Variants in MALRD1 observed in about 807,000 individuals in gnomAD.
The protein encoded by MALRD1 is MAM and LDL receptor class A domain containing 1.
A neutral mutation model predicts 242.1 loss-of-function variants in MALRD1; 247 were observed. That is an observed-to-expected ratio of 1.02 (90% confidence interval 0.92 to 1.13). The LOEUF (loss-of-function observed/expected upper bound fraction) is 1.13, where lower values mean the gene tolerates loss of function less well. MALRD1 is among the 50% of genes most tolerant of loss of function. MALRD1 has a pLI of 0.00. For missense variants in MALRD1, 2,989 were observed against 2,533.1 expected, an observed-to-expected ratio of 1.18 and a Z score of -3.86; for synonymous variants, 995 against 866.6, an observed-to-expected ratio of 1.15 and a Z score of -2.60.
At chr10:19,725,093 A>G (rs1433729959) in intron 38 of MALRD1, 1 of 152,216 alleles carries the variant, frequency 6.6e-6, no homozygotes, top group Non-Finnish European at 1.5e-5. Context: ...ACTAAATGGA[A>G]TGACACACTA....
intron 14 of MALRD1, among the ~76,000 whole-genome samples, chr10:19,182,504 A>AT (rs1185771763): frequency 3.4e-5 from 5 of 147,872 alleles, no homozygotes; most frequent in African/African-American, 1.0e-4. Flanking sequence ...TTTTTTTTGT[A>AT]TTTTTTTAGT....
chr10:19,638,101 C>CAAAAAAAAAAAAAAAAAAAAAAA (rs56865342), intron 36 of MALRD1, among the ~76,000 whole-genome samples: 3 of 41,926 alleles, frequency 7.2e-5, no homozygotes, highest in African/African-American at 1.9e-4. Context: ...AACTCACTCT[C>CAAAAAAAAAAAAAAAAAAAAAAA]AAAAAAAAAA....
intron 36 of MALRD1, among the ~76,000 whole-genome samples, chr10:19,645,561 A>G (rs981592951): frequency 6.6e-6 from 1 of 152,226 alleles, no homozygotes; most frequent in Non-Finnish European, 1.5e-5. Context: ...AAAAATGATG[A>G]GTTCATGTCC....
At chr10:19,651,719 A>G (rs142644248) in intron 36 of MALRD1, among the ~76,000 whole-genome samples, 2 of 152,294 alleles carry the variant, frequency 1.3e-5, no homozygotes, top group African/African-American at 4.8e-5. Context: ...ATATTGCACA[A>G]CATCTCACTG....
chr10:19,436,913 C>G (rs1340707697), intron 28 of MALRD1, among the ~76,000 whole-genome samples: 2 of 152,134 alleles, frequency 1.3e-5, no homozygotes, highest in African/African-American at 4.8e-5. Context: ...TGTTGCTCAC[C>G]TATTCAGTTA....
chr10:19,688,870 G>T (rs1038253730), intron 36 of MALRD1, among the ~76,000 whole-genome samples: 4 of 152,192 alleles, frequency 2.6e-5, no homozygotes, highest in African/African-American at 9.7e-5. Flanking sequence ...GATATTCCAT[G>T]GAGAAGGTTT....
chr10:19,310,556 T>C (rs1397099691), intron 21 of MALRD1, among the ~76,000 whole-genome samples: 1 of 151,504 alleles, frequency 6.6e-6, no homozygotes, highest in Non-Finnish European at 1.5e-5. Context: ...CCATCTTAGT[T>C]TTGAATTCTT....
intron 36 of MALRD1, among the ~76,000 whole-genome samples, chr10:19,689,046 T>C (rs1842714981): frequency 6.6e-6 from 1 of 152,154 alleles, no homozygotes; most frequent in African/African-American, 2.4e-5. Flanking sequence ...GCACTAAAAA[T>C]ATATATTTAT....
chr10:19,237,594 A>ATATATAAT (rs1838390184), intron 18 of MALRD1, among the ~76,000 whole-genome samples: 1 of 8,960 alleles, frequency 1.1e-4, no homozygotes, highest in African/African-American at 1.2e-3. Flanking sequence ...TTATATAATT[A>ATATATAAT]TATAATTATA....
chr10:19,225,593 A>G lies in MALRD1; in HGVS notation c.2991+15913A>G, dbSNP rs77097875. Reference sequence around the variant, plus strand: ...TTAGTGTGACCGAAGTATCATCAGTATCATTTTCTTTCTAACTGCAGTGCT... The same window carrying G: ...TTAGTGTGACCGAAGTATCATCAGTGTCATTTTCTTTCTAACTGCAGTGCT... On this transcript the variant is annotated intron_variant, in intron 18 of 39. Coordinates refer to ENST00000454679, the MANE Select transcript of MALRD1 (RefSeq NM_001142308.3). Among the ~76,000 whole-genome samples, 1,342 of 152,194 alleles carry G rather than the reference A, an allele frequency of 8.8e-3. 23 individuals carry two copies. The highest frequency in any genetic ancestry group is 0.031 in the African/African-American group (1,276 of 41,530).
intron 2 of MALRD1, among the ~76,000 whole-genome samples, chr10:19,081,127 C>T (rs985996001): frequency 1.3e-5 from 2 of 151,884 alleles, no homozygotes; most frequent in Non-Finnish European, 2.9e-5. Context: ...AGATGCTAGC[C>T]AGGATGCAGA....
chr10:19,589,890 G>A (rs943812828), intron 33 of MALRD1, among the ~76,000 whole-genome samples: 2 of 151,882 alleles, frequency 1.3e-5, no homozygotes, highest in Non-Finnish European at 1.5e-5. Context: ...TTTGCTCTGA[G>A]CGTGTTTGGC....
chr10:19,139,633 C>T (rs181919442), intron 10 of MALRD1, among the ~76,000 whole-genome samples: 2 of 152,238 alleles, frequency 1.3e-5, no homozygotes, highest in East Asian at 3.9e-4. Flanking sequence ...TGTCAAGTTG[C>T]CCTTACTTTT....
At chr10:19,682,303 G>A (rs148844141) in intron 36 of MALRD1, among the ~76,000 whole-genome samples, 1 of 152,250 alleles carries the variant, frequency 6.6e-6, no homozygotes, top group East Asian at 1.9e-4. Context: ...TTTTGTTCCA[G>A]GTGTTAGTGA....
At chr10:19,310,791 G>A (rs1016822846) in intron 21 of MALRD1, among the ~76,000 whole-genome samples, 1 of 151,310 alleles carries the variant, frequency 6.6e-6, no homozygotes, top group African/African-American at 2.4e-5. Flanking sequence ...CTGAGTTCAA[G>A]ATCAACTTTC....
chr10:19,268,128 T>C (rs1270900639), intron 19 of MALRD1, among the ~76,000 whole-genome samples: 1 of 152,144 alleles, frequency 6.6e-6, no homozygotes, highest in Non-Finnish European at 1.5e-5. Flanking sequence ...CATCTGCTAC[T>C]TCAGTCATTT....
At chr10:19,638,214 A>C (rs1840233334) in intron 36 of MALRD1, among the ~76,000 whole-genome samples, 1 of 152,042 alleles carries the variant, frequency 6.6e-6, no homozygotes, top group Non-Finnish European at 1.5e-5. Context: ...GTATCTAAGC[A>C]AAGCCTGTGA....
At chr10:19,454,404 T>TTATATATATATA (rs1564356457) in intron 29 of MALRD1, among the ~76,000 whole-genome samples, 5 of 30,402 alleles carry the variant, frequency 1.6e-4, no homozygotes, top group Non-Finnish European at 2.7e-4. Flanking sequence ...ATTATGCATA[T>TTATATATATATA]GATATATATA....
chr10:19,098,605 G>A (rs1836130909), intron 4 of MALRD1, among the ~76,000 whole-genome samples: 1 of 152,122 alleles, frequency 6.6e-6, no homozygotes, highest in African/African-American at 2.4e-5. Context: ...TAAATGGAAT[G>A]TATACTACTA....
Sources: gnomAD v4.1 joint callset for allele counts (sites outside exome capture counted in the v4.1 genomes callset) on GRCh38, gnomAD v4.1.1 for gene constraint, MANE v1.5 for transcripts, NCBI Gene and HGNC (gene_info 2026-07-23, HGNC 2026-07-21) for gene names.